The following ZNF638 variants were observed in gnomAD, a reference collection of about 807,000 sequenced individuals.
ZNF638 encodes zinc finger protein 638, also known as CTCL tumor antigen se33-1.
ZNF638 carries 46 observed loss-of-function variants against 195.6 expected under a neutral mutation model. That is an observed-to-expected ratio of 0.24 (90% CI 0.19 to 0.30). ZNF638 has a LOEUF of 0.30. Ranked by LOEUF, ZNF638 falls within the 10% of genes least tolerant of loss-of-function variation. ZNF638 has a pLI of 1.00. For synonymous variants in ZNF638, 845 were observed against 772.0 expected, an observed-to-expected ratio of 1.09 and a Z score of -1.57; for missense variants, 2,440 against 2,325.3, an observed-to-expected ratio of 1.05 and a Z score of -1.01.
chr2:71,368,784 C>T (rs562614365), intron 7 of ZNF638, among the ~76,000 whole-genome samples: 1 of 152,350 alleles, frequency 6.6e-6, no homozygotes, highest in Non-Finnish European at 1.5e-5. Context: ...ATCTCAACTA[C>T]TGTGCTCTGG....
chr2:71,391,789 A>C (rs1018588025), intron 10 of ZNF638, among the ~76,000 whole-genome samples: 15 of 152,246 alleles, frequency 9.9e-5, no homozygotes, highest in African/African-American at 3.4e-4. Flanking sequence ...CCTAAAAGGC[A>C]GTGCTGCCCT....
At chr2:71,367,235 CT>C (rs894522535) in intron 6 of ZNF638, among the ~76,000 whole-genome samples, 86 of 141,974 alleles carry the variant, frequency 6.1e-4, no homozygotes, top group Non-Finnish European at 5.4e-4. Flanking sequence ...GGCAGTGGAA[CT>C]TTTTTTTTTT....
chr2:71,352,392 G>A (rs2078955537), intron 2 of ZNF638, among the ~76,000 whole-genome samples: 1 of 151,504 alleles, frequency 6.6e-6, no homozygotes, highest in Admixed American at 6.6e-5. Flanking sequence ...GCAGAGAATC[G>A]CTTGAACCCA....
chr2:71,424,424 G>A (rs2080494273), intron 22 of ZNF638, among the ~76,000 whole-genome samples: 1 of 152,078 alleles, frequency 6.6e-6, no homozygotes, highest in Non-Finnish European at 1.5e-5. Context: ...TAGACATTGT[G>A]GGACGAAAAG....
At chr2:71,338,911 C>G (rs541956519) in intron 1 of ZNF638, among the ~76,000 whole-genome samples, 2 of 152,268 alleles carry the variant, frequency 1.3e-5, no homozygotes, top group African/African-American at 4.8e-5. Flanking sequence ...GTAAGATGCT[C>G]CTTGAAATAA....
chr2:71,355,284 G>A (rs149016037), intron 2 of ZNF638, among the ~76,000 whole-genome samples: 182 of 152,278 alleles, frequency 1.2e-3, no homozygotes, highest in African/African-American at 4.2e-3. Flanking sequence ...TGTTGTTAGC[G>A]TGAATTTTAG....
chr2:71,381,823 T>G (rs542959116), intron 10 of ZNF638, among the ~76,000 whole-genome samples: 1 of 152,222 alleles, frequency 6.6e-6, no homozygotes, highest in East Asian at 1.9e-4. Context: ...TACACTCCAT[T>G]TTTTCTGGAT....
Position 71,348,838 on chromosome 2 carries a change from C to G in ZNF638, c.-117C>G, listed in dbSNP as rs1256151060. ...AAACCCACTTCTGTTGGGCCCATCT[C>G]CTTTGCACTTTGCTCAGATTAAGAC... On this transcript the variant is annotated 5_prime_UTR_variant, in exon 2 of 28. Coordinates refer to ENST00000264447, the MANE Select transcript of ZNF638 (RefSeq NM_014497.5). 10 of 1,607,224 alleles carry G rather than the reference C, an allele frequency of 6.2e-6. No homozygotes were observed. Among genetic ancestry groups the G allele is most frequent in the Non-Finnish European group, 8.5e-6 (10 of 1,178,824 alleles).
At chr2:71,389,459 T>G (rs2079723658) in intron 10 of ZNF638, among the ~76,000 whole-genome samples, 1 of 152,190 alleles carries the variant, frequency 6.6e-6, no homozygotes, top group Non-Finnish European at 1.5e-5. Flanking sequence ...TGGTCAGTGC[T>G]AGCTAAAACA....
intron 7 of ZNF638, 57 bp downstream of exon 7, chr2:71,368,585 A>G (rs1373897902): frequency 1.9e-6 from 3 of 1,583,060 alleles, no homozygotes; most frequent in South Asian, 1.1e-5. Flanking sequence ...TAATGATTCT[A>G]TAAATTGCTG....
At chr2:71,401,026 C>T (rs907938179) in intron 15 of ZNF638, among the ~76,000 whole-genome samples, 4 of 152,040 alleles carry the variant, frequency 2.6e-5, no homozygotes, top group African/African-American at 4.8e-5. Context: ...TTACATTTTA[C>T]TGGTGCAGGT....
chr2:71,384,657 T>G (rs1481219995), intron 10 of ZNF638, among the ~76,000 whole-genome samples: 2 of 152,074 alleles, frequency 1.3e-5, no homozygotes, highest in Non-Finnish European at 2.9e-5. Flanking sequence ...CCTGTAAGGC[T>G]CATCTCTGAT....
chr2:71,427,868 A>G (rs1300854391), intron 24 of ZNF638, among the ~76,000 whole-genome samples: 2 of 152,218 alleles, frequency 1.3e-5, no homozygotes, highest in South Asian at 2.1e-4. Flanking sequence ...CACTTTCCGA[A>G]CTTGAGGGAG....
At chr2:71,373,046 G>C (rs2079343728) in intron 8 of ZNF638, among the ~76,000 whole-genome samples, 2 of 152,110 alleles carry the variant, frequency 1.3e-5, no homozygotes, top group African/African-American at 4.8e-5. Context: ...GGAATGGTTG[G>C]TTTATAGGAT....
At position 71,349,284 on chromosome 2, in the gene ZNF638, A is replaced by G. The variant is rs758857804; in HGVS notation, c.330A>G (p.Ile110Met). 2 of 1,614,204 alleles carry G rather than the reference A, an allele frequency of 1.2e-6. No individual in the cohort carries two copies. The highest frequency in any genetic ancestry group is 1.1e-5 in the South Asian group (1 of 91,090). The change falls in exon 2 of 28, where the codon ATA becomes ATG. Residue 110 changes from isoleucine to methionine, a missense_variant. Transcript: ENST00000264447. ...HGSRWDDEPH[I>M]SASVAVKQSS... ...GCCGGTGGGATGATGAGCCTCATAT[A>G]TCTGCATCAGTGGCAGTGAAACAGA...
Position 71,364,186 on chromosome 2 carries a change from G to C in ZNF638, c.1651G>C (p.Gly551Arg), listed in dbSNP as rs760574541. 2 of 1,614,166 alleles carry C rather than the reference G, an allele frequency of 1.2e-6. No homozygotes were observed. The highest frequency in any genetic ancestry group is 3.3e-5 in the Admixed American group (2 of 60,024). Residue 551 changes from glycine to arginine, a missense_variant, in exon 5 of 28, where the codon GGT becomes CGT. By Grantham distance (125) the Gly-to-Arg change is moderately radical (BLOSUM62 -2). Transcript: ENST00000264447. Reference protein sequence around the residue: ...SPYRIRNPFRGSPKCFRSVSP... With the variant: ...SPYRIRNPFRRSPKCFRSVSP... ...ATATCGAATTAGAAATCCATTTAGA[G>C]GTAGTCCAAAATGCTTTCGATCAGT...
intron 10 of ZNF638, chr2:71,388,839 CA>C (rs1415558671): frequency 8.6e-6 from 6 of 694,292 alleles, no homozygotes; most frequent in Non-Finnish European, 1.6e-5. Flanking sequence ...AGTATTGAAA[CA>C]ACTGCTTAAA....
In ZNF638 at chr2:71,399,582, C is replaced by G. The variant is rs1048399829; in HGVS notation, c.2524C>G (p.Leu842Val). ...AGCAAAATCTGGTGGAAAGAAGTCT[C>G]TAGAAGCCAAAAAGACTGGGAATGT... ...KTAKSGGKKS[L>V]EAKKTGNVKN... Residue 842 changes from leucine (L) to valine (V), a missense_variant, in exon 13 of 28, where the codon CTA becomes GTA. Around this residue, in one of 5 missense-constraint regions of ZNF638, gnomAD observed 1,883 missense variants for 1,739.1 expected, o/e 1.08. Coordinates refer to ENST00000264447, the MANE Select transcript of ZNF638 (RefSeq NM_014497.5). 9.3e-6 allele frequency: 15 copies of G among 1,612,410 alleles called. No individual in the cohort carries two copies. Among genetic ancestry groups the G allele is most frequent in the Non-Finnish European group, 1.2e-5 (14 of 1,179,186 alleles).
intron 1 of ZNF638, among the ~76,000 whole-genome samples, chr2:71,339,184 C>CA (rs2078722607): frequency 6.9e-6 from 1 of 145,926 alleles, no homozygotes; most frequent in African/African-American, 2.6e-5. Flanking sequence ...GACGGAGTCT[C>CA]ACTTGCACCC....
Sources: gnomAD v4.1 joint callset for allele counts (sites outside exome capture counted in the v4.1 genomes callset) on GRCh38, gnomAD v4.1.1 for gene constraint, gnomAD v4.1.1 regional missense constraint, MANE v1.5 for transcripts, NCBI Gene and HGNC (gene_info 2026-07-23, HGNC 2026-07-21) for gene names.